Variants in RPF2 observed in about 807,000 individuals in gnomAD.
RPF2 encodes the protein ribosome production factor 2 homolog, also known as brix domain containing 1.
In RPF2, 21 loss-of-function variants were observed where a neutral mutation model predicts 38.9. That is an observed-to-expected ratio of 0.54 (90% CI 0.38 to 0.78). RPF2 has a LOEUF of 0.78. Among genes scored for constraint, RPF2 ranks in the 30% least tolerant of loss-of-function variants. RPF2 has a pLI of 0.00. For synonymous variants in RPF2, 121 were observed against 126.2 expected, an observed-to-expected ratio of 0.96 and a Z score of 0.28; for missense variants, 314 against 358.1, an observed-to-expected ratio of 0.88 and a Z score of 0.99.
At chr6:111,002,921 C>T (rs1031634240) in intron 6 of RPF2, among the ~76,000 whole-genome samples, 1 of 151,192 alleles carries the variant, frequency 6.6e-6, no homozygotes, top group African/African-American at 2.4e-5. Flanking sequence ...GGCGCCCACA[C>T]TCGGCTAATT....
At chr6:111,018,215 G>A (rs1772166497) in intron 8 of RPF2, among the ~76,000 whole-genome samples, 1 of 133,328 alleles carries the variant, frequency 7.5e-6, no homozygotes. Flanking sequence ...GGGGGAGGGG[G>A]AGGGAGAGGG....
At chr6:111,023,912 T>G (rs557919476) in intron 8 of RPF2, among the ~76,000 whole-genome samples, 1 of 151,414 alleles carries the variant, frequency 6.6e-6, no homozygotes, top group Non-Finnish European at 1.5e-5. Context: ...GGCGTGAACC[T>G]GGGAGGTGGA....
chr6:111,002,022 G>A (rs575839811), intron 6 of RPF2, among the ~76,000 whole-genome samples: 12 of 152,320 alleles, frequency 7.9e-5, no homozygotes, highest in Admixed American at 5.9e-4. Flanking sequence ...GCTCACGCCT[G>A]TAATCCCAGT....
chr6:110,991,451 G>A (rs1357203716), intron 3 of RPF2, among the ~76,000 whole-genome samples: 2 of 147,310 alleles, frequency 1.4e-5, no homozygotes, highest in Admixed American at 6.9e-5. Context: ...CTGTCAATCC[G>A]TGGTTGGTCA....
chr6:111,010,265 T>G (rs1771989663), intron 7 of RPF2, among the ~76,000 whole-genome samples: 1 of 151,720 alleles, frequency 6.6e-6, no homozygotes. Flanking sequence ...GGACTACAGG[T>G]TCACACCACC....
Position 110,999,796 on chromosome 6 carries a change from C to G in RPF2, c.393+9C>G, listed in dbSNP as rs778222759. 6.9e-7 allele frequency: 1 copy of G among 1,447,902 alleles called. No individual in the cohort carries two copies. Among genetic ancestry groups the G allele is most frequent in the South Asian group, 1.1e-5 (1 of 87,484 alleles). 89.7% of individuals were successfully genotyped at this position (1,447,902 alleles called of 1,614,324 possible). ...CTCTAAAAGACATTAAGGTAAGATACTCATAGAAATGAAAAGTATTTTGTA... is the reference window on the plus strand; with the variant it reads ...CTCTAAAAGACATTAAGGTAAGATAGTCATAGAAATGAAAAGTATTTTGTA... On this transcript the variant is annotated intron_variant, in intron 6 of 9. Transcript: ENST00000441448.
rs1362382586 is a variant in RPF2 at position 111,008,133 on chromosome 6, T to A, written c.489T>A (p.Leu163=). Residue 163 remains leucine, a synonymous_variant, in exon 7 of 10, where the codon CTT becomes CTA. Coordinates refer to ENST00000441448, the MANE Select transcript of RPF2 (RefSeq NM_032194.3). ...ATTATAGAAGACTAAAAAGTCTTCT[T>A]ATTGGTAAGTATTTTAGTATTTATT... ...TEDYRRLKSL[L]IDFFRGPTVS... The A allele has an allele frequency of 4.4e-6, 7 of 1,596,148 alleles. No individual in the cohort carries two copies. The highest frequency in any genetic ancestry group is 6.0e-6 in the Non-Finnish European group (7 of 1,172,976).
rs778417211 is a variant in RPF2, at chr6:110,999,684, A to C, written c.317-27A>C. On this transcript the variant is annotated intron_variant, in intron 5 of 9. Transcript: ENST00000441448. ...TAAGGTGGCTCTTTGGGAAAAATAC[A>C]TGCTTAAAAATACATTTTCCTTCCA... 2.0e-6 allele frequency: 3 copies of C among 1,479,534 alleles called. No individual in the cohort carries two copies. In the African/African-American group the frequency reaches 4.2e-5, roughly 20 times the overall value. 91.7% of individuals were successfully genotyped at this position (1,479,534 alleles called of 1,614,324 possible). A position where few individuals can be genotyped will look rare whatever the true frequency, so the allele number is the denominator to read the frequency against.
chr6:111,008,898 C>CTTTTTTTTTTTTTTTTTTTTTTTTTTTT (rs57167034), intron 7 of RPF2, among the ~76,000 whole-genome samples: 2 of 120,414 alleles, frequency 1.7e-5, no homozygotes, highest in African/African-American at 6.7e-5. Flanking sequence ...TTCCTGGCTC[C>CTTTTTTTTTTTTTTTTTTTTTTTTTTTT]TTTTTTTTTT....
rs533100628 is a variant in RPF2 at position 111,016,074 on chromosome 6, C to T, written c.596+218C>T. On this transcript the variant is annotated intron_variant, in intron 8 of 9. Coordinates refer to ENST00000441448, the MANE Select transcript of RPF2 (RefSeq NM_032194.3). ...CCCAGAGCATCTGATGCTGCACTGT[C>T]GCTGAGCCAGGTGCACCAACCCTTC... 2.0e-5 allele frequency among the ~76,000 whole-genome samples: 3 copies of T among 152,320 alleles called. No homozygotes were observed. In the East Asian group the frequency reaches 5.8e-4, roughly 29 times the overall value.
chr6:111,016,726 C>T (rs1772121258), intron 8 of RPF2, among the ~76,000 whole-genome samples: 1 of 114,618 alleles, frequency 8.7e-6, no homozygotes. Context: ...GGGTGTTTCT[C>T]GCAGAGGGGG....
chr6:111,017,483 C>G (rs1167953212), intron 8 of RPF2, among the ~76,000 whole-genome samples: 1 of 151,302 alleles, frequency 6.6e-6, no homozygotes, highest in African/African-American at 2.4e-5. Flanking sequence ...GGAGGGGCTC[C>G]TCACTTCTCA....
chr6:111,018,003 G>A (rs1236727262), intron 8 of RPF2, among the ~76,000 whole-genome samples: 2 of 152,148 alleles, frequency 1.3e-5, no homozygotes, highest in African/African-American at 4.8e-5. Flanking sequence ...TCGCGGTTAG[G>A]AGCTGGAGAC....
At chr6:110,990,100 G>A (rs1204380595) in intron 3 of RPF2, among the ~76,000 whole-genome samples, 4 of 151,786 alleles carry the variant, frequency 2.6e-5, no homozygotes, top group African/African-American at 7.3e-5. Context: ...CACCACGCCC[G>A]GCTAATTTTG....
intron 8 of RPF2, 121 bp downstream of exon 8, chr6:111,015,977 G>T: frequency 1.4e-6 from 1 of 708,138 alleles, no homozygotes; most frequent in Non-Finnish European, 2.5e-6. Flanking sequence ...TGGAGAGTTG[G>T]CAGGATAGCA....
chr6:110,989,881 C>G (rs920161933), intron 3 of RPF2, among the ~76,000 whole-genome samples: 13 of 152,078 alleles, frequency 8.5e-5, no homozygotes, highest in African/African-American at 2.9e-4. Context: ...CCTTGGCCTC[C>G]CGAAGTGATG....
At chr6:110,989,961 G>A (rs777803562) in intron 3 of RPF2, among the ~76,000 whole-genome samples, 161 of 128,966 alleles carry the variant, frequency 1.2e-3, no homozygotes, top group Admixed American at 1.5e-3. Flanking sequence ...TTTTTAAGAC[G>A]GAGTTTCACT....
In RPF2 at chr6:111,006,304, G is replaced by A. The variant is rs57466915; in HGVS notation, c.394-1734G>A. 7.1e-3 allele frequency among the ~76,000 whole-genome samples: 1,076 copies of A among 151,716 alleles called. 17 individuals are homozygous for A. Among genetic ancestry groups the A allele is most frequent in the African/African-American group, 0.024 (1,011 of 41,334 alleles). ...AGCTAGAGTGCAGTGGTGCAATCTC[G>A]GCTCACTACAACCTCTGTCTCTTGG... On this transcript the variant is annotated intron_variant, in intron 6 of 9. Coordinates refer to ENST00000441448, the MANE Select transcript of RPF2 (RefSeq NM_032194.3).
At chr6:111,012,578 G>T (rs1772038645) in intron 7 of RPF2, among the ~76,000 whole-genome samples, 1 of 152,136 alleles carries the variant, frequency 6.6e-6, no homozygotes, top group African/African-American at 2.4e-5. Flanking sequence ...CTGAGGCCTG[G>T]ACAGGTGAGT....
Sources: allele counts gnomAD v4.1 joint callset (sites outside exome capture counted in the v4.1 genomes callset), GRCh38; gene constraint gnomAD v4.1.1; transcripts MANE v1.5; gene names NCBI Gene and HGNC (gene_info 2026-07-23, HGNC 2026-07-21).